Variants in FAM151A observed in about 807,000 individuals in gnomAD.
FAM151A encodes the protein protein FAM151A.
In FAM151A, 41 loss-of-function variants were observed where a neutral mutation model predicts 40.4. The ratio of observed to expected loss-of-function variants is 1.01; its 90% confidence interval spans 0.79 to 1.32. The LOEUF (loss-of-function observed/expected upper bound fraction) is 1.32. Ranked by LOEUF, FAM151A falls within the 40% of genes most tolerant of loss-of-function variation. The pLI, the probability that FAM151A is intolerant of heterozygous loss-of-function variation, is 0.00. For synonymous variants in FAM151A, 337 were observed against 312.5 expected, an observed-to-expected ratio of 1.08 and a Z score of -0.83; for missense variants, 740 against 740.4, an observed-to-expected ratio of 1.00 and a Z score of 0.01.
chr1:54,622,413 AC>A, intron 1 of FAM151A, among the ~76,000 whole-genome samples: 2 of 152,008 alleles, frequency 1.3e-5, no homozygotes, highest in East Asian at 3.9e-4. Context: ...ACCCGTCTGT[AC>A]TAAAAATACA....
rs757193509 is a variant in FAM151A, at chr1:54,614,827, C to T, written c.448G>A (p.Val150Met). The stretch of plus-strand genomic sequence containing the variant: ...CGCAGGAGGTCCAGGGAGGGGCCCA[C>T]TGCCTTGATGTTCTTGAAGTCCAGT... ...IKLDFKNIKA[V>M]GPSLDLLRQL... The change falls in exon 4 of 8, where the codon GTG (valine) becomes ATG (methionine). Residue 150 changes from valine (V) to methionine (M), a missense_variant. By Grantham distance (21) the Val-to-Met change is conservative. Coordinates refer to ENST00000302250, the MANE Select transcript of FAM151A (RefSeq NM_176782.3). 1.2e-6 allele frequency: 2 copies of T among 1,614,150 alleles called. No homozygotes were observed. The highest frequency in any genetic ancestry group is 1.7e-6 in the Non-Finnish European group (2 of 1,180,016).
In FAM151A at chr1:54,612,387, C is replaced by T. The variant is rs566799550; in HGVS notation, c.800+99G>A. 242 of 838,490 alleles carry T rather than the reference C, an allele frequency of 2.9e-4. 1 individual carries two copies. The African/African-American group carries it at 3.0e-3, about 10-fold the overall frequency. 51.9% of individuals were successfully genotyped at this position (838,490 alleles called of 1,614,324 possible). On this transcript the variant is annotated intron_variant, in intron 5 of 7. Transcript: ENST00000302250. Reference sequence around the variant, plus strand: ...GGCATGAGCACTGGCAGGGGTTGGACGAAATGACCTTTAAGACCCTTCCAG... The same window carrying T: ...GGCATGAGCACTGGCAGGGGTTGGATGAAATGACCTTTAAGACCCTTCCAG...
At chr1:54,611,041 T>G (rs1380124441) in intron 6 of FAM151A, 4 of 979,920 alleles carry the variant, frequency 4.1e-6, no homozygotes, top group Non-Finnish European at 4.8e-6. Context: ...GCTGGTTTCC[T>G]ACCTGCTGGG....
chr1:54,618,829 G>A (rs2101023366), intron 2 of FAM151A, among the ~76,000 whole-genome samples: 1 of 152,166 alleles, frequency 6.6e-6, no homozygotes, highest in Non-Finnish European at 1.5e-5. Flanking sequence ...TGTGATCTTG[G>A]GAAGGTTATT....
rs776963143 is a variant in FAM151A at position 54,609,887 on chromosome 1, T to C, written c.1139A>G (p.Asn380Ser). The change falls in exon 8 of 8, where the codon AAC becomes AGC. Residue 380 changes from asparagine to serine, a missense_variant. Coordinates refer to ENST00000302250, the MANE Select transcript of FAM151A (RefSeq NM_176782.3). Reference sequence around the variant, plus strand: ...TGGAGTATGAACAATGGGCACGGGGTTTTCAGCCACAGTTCCCTCGAGGCC... The same window carrying C: ...TGGAGTATGAACAATGGGCACGGGGCTTTCAGCCACAGTTCCCTCGAGGCC... ...NTGLEGTVAE[N>S]PVPIVHTPSG... The C allele has an allele frequency of 5.0e-6, 8 of 1,612,396 alleles. No homozygotes were observed.
In FAM151A at chr1:54,622,251, G is replaced by A. The variant is rs1160555915; in HGVS notation, c.118+1027C>T. ...ATATCATGTCACCGCACTCTAGGCT[G>A]AGTGACAGAGTGAGACTCTGTCTCA... On this transcript the variant is annotated intron_variant, in intron 1 of 7. Coordinates refer to ENST00000302250, the MANE Select transcript of FAM151A (RefSeq NM_176782.3). Among the ~76,000 whole-genome samples, 7 of 121,768 alleles carry A rather than the reference G, an allele frequency of 5.7e-5. No individual in the cohort carries two copies. In the Admixed American group the frequency reaches 7.0e-4, roughly 12 times the overall value. The allele number at this position is 121,768 out of a possible 152,430, so 79.9% of individuals were successfully genotyped here.
At chr1:54,614,921 T>C (rs1644155864) in intron 3 of FAM151A, 62 bp from the exon 4 acceptor site, 1 of 1,551,406 alleles carries the variant, frequency 6.4e-7, no homozygotes, top group Non-Finnish European at 8.8e-7. Context: ...CATGACTCCC[T>C]GGGCAGAAAG....
At chr1:54,609,963 A>G (rs1247374835) in intron 7 of FAM151A, 22 bp from the exon 8 acceptor site, 12 of 1,591,950 alleles carry the variant, frequency 7.5e-6, no homozygotes, top group Non-Finnish European at 9.4e-6. Flanking sequence ...GGCAGAGGCA[A>G]CAGTGTTTAG....
intron 2 of FAM151A, among the ~76,000 whole-genome samples, chr1:54,619,605 G>A (rs910526675): frequency 2.0e-5 from 3 of 152,190 alleles, no homozygotes; most frequent in African/African-American, 7.2e-5. Context: ...GACAGGTCGA[G>A]GAAGGGGTAG....
intron 3 of FAM151A, 125 bp from the exon 4 acceptor site, chr1:54,614,984 G>A: frequency 1.1e-6 from 1 of 943,428 alleles, no homozygotes; most frequent in Non-Finnish European, 1.6e-6. Context: ...GTCAGGGGAG[G>A]GCGGAAGGAC....
Position 54,617,793 on chromosome 1 carries a change from G to A in FAM151A, c.263-1621C>T, listed in dbSNP as rs182295626. On this transcript the variant is annotated intron_variant, in intron 2 of 7. Coordinates refer to ENST00000302250, the MANE Select transcript of FAM151A (RefSeq NM_176782.3). Reference sequence around the variant, plus strand: ...GGCTGGAGTGCTGTGGCGTGATCACGGCTCACTGCAACCTCTGCCTGCTGG... The same window carrying A: ...GGCTGGAGTGCTGTGGCGTGATCACAGCTCACTGCAACCTCTGCCTGCTGG... Among the ~76,000 whole-genome samples, 298 of 135,244 alleles carry A rather than the reference G, an allele frequency of 2.2e-3. 1 individual carries two copies. The highest frequency in any genetic ancestry group is 7.8e-3 in the African/African-American group (288 of 36,774). The allele number at this position is 135,244 out of a possible 152,430, so 88.7% of individuals were successfully genotyped here.
chr1:54,612,629 T>G lies in FAM151A; in HGVS notation c.657A>C (p.Pro219=). The G allele has an allele frequency of 6.2e-7, 1 of 1,613,996 alleles. No homozygotes were observed. The highest frequency in any genetic ancestry group is 8.5e-7 in the Non-Finnish European group (1 of 1,179,970). The change falls in exon 5 of 8, where the codon CCA becomes CCC. Residue 219 remains proline, a synonymous_variant. Transcript: ENST00000302250. ...GWTTFYMSTS[P]NRTYTQAMVE... is the part of the protein sequence containing the mutation. ...CCATGGCTTGGGTGTACGTCCTGTTTGGGGACGTGGACATGTAGAAGGTGG... is the reference window on the plus strand; with the variant it reads ...CCATGGCTTGGGTGTACGTCCTGTTGGGGGACGTGGACATGTAGAAGGTGG...
chr1:54,614,165 TTCTCTCTCTTTGTAAACTG>T (rs1379387517), intron 4 of FAM151A, among the ~76,000 whole-genome samples: 1 of 152,180 alleles, frequency 6.6e-6, no homozygotes, highest in Non-Finnish European at 1.5e-5. Context: ...ATCAAAGACA[TTCTCTCTCTTTGTAAACTG>T]TAGAGCACTG....
chr1:54,612,650 G>T lies in FAM151A; in HGVS notation c.636C>A (p.Thr212=), dbSNP rs1368102444. 1 of 1,614,136 alleles carries T rather than the reference G, an allele frequency of 6.2e-7. No homozygotes were observed. Among genetic ancestry groups the T allele is most frequent in the East Asian group, 2.2e-5 (1 of 44,856 alleles). The change falls in exon 5 of 8, where the codon ACC becomes ACA. Residue 212 remains threonine (T), a synonymous_variant. Transcript: ENST00000302250. ...TGTTTGGGGACGTGGACATGTAGAA[G>T]GTGGTCCAGCCTGGAGATAGGGTAG... The part of the protein sequence containing the change: ...PKATLSPGWT[T]FYMSTSPNRT...
At chr1:54,612,934 AG>A (rs1283564466) in intron 4 of FAM151A, among the ~76,000 whole-genome samples, 9 of 152,266 alleles carry the variant, frequency 5.9e-5, no homozygotes, top group Non-Finnish European at 1.0e-4. Flanking sequence ...GATCTTGGGC[AG>A]GTAACTCAGC....
chr1:54,620,845 CAAAAAAAAAA>C (rs767625864), intron 1 of FAM151A, among the ~76,000 whole-genome samples: 7 of 12,130 alleles, frequency 5.8e-4, no homozygotes, highest in East Asian at 3.6e-3. Context: ...GAGACTCTGT[CAAAAAAAAAA>C]AAAAAAAAAA....
At chr1:54,620,500 G>A (rs1644219238) in intron 1 of FAM151A, among the ~76,000 whole-genome samples, 2 of 152,110 alleles carry the variant, frequency 1.3e-5, no homozygotes, top group African/African-American at 4.8e-5. Flanking sequence ...GAGATTAGGA[G>A]TTCGAGACCA....
rs771161344 is a variant in FAM151A at position 54,616,038 on chromosome 1, G to A, written c.397C>T (p.Leu133=). 7 of 1,613,976 alleles carry A rather than the reference G, an allele frequency of 4.3e-6. No homozygotes were observed. The South Asian group carries it at 6.6e-5, about 15-fold the overall frequency. Residue 133 remains leucine (L), a synonymous_variant, in exon 3 of 8, where the codon CTG becomes TTG. Coordinates refer to ENST00000302250, the MANE Select transcript of FAM151A (RefSeq NM_176782.3). ...CCCTTACCCTTTTGGGAAGAGCCCA[G>A]CACAGCGTCCAGCCACTGCTCCAGT... ...NTLEQWLDAV[L]GSSQKGIKLD... is the part of the protein sequence containing the mutation.
intron 4 of FAM151A, 59 bp from the exon 5 acceptor site, chr1:54,612,769 T>A: frequency 7.6e-7 from 1 of 1,318,366 alleles, no homozygotes; most frequent in South Asian, 1.2e-5. Flanking sequence ...TCCTCTCCTC[T>A]GGGGTCTCAT....
Sources: gnomAD v4.1 joint callset for allele counts (sites outside exome capture counted in the v4.1 genomes callset) on GRCh38, gnomAD v4.1.1 for gene constraint, MANE v1.5 for transcripts, NCBI Gene and HGNC (gene_info 2026-07-23, HGNC 2026-07-21) for gene names.